DENND1B: variants seen among roughly 807,000 people sequenced by gnomAD.
DENND1B encodes DENN domain-containing protein 1B.
A neutral mutation model predicts 90.1 loss-of-function variants in DENND1B; 59 were observed. The ratio of observed to expected loss-of-function variants is 0.65; its 90% CI spans 0.53 to 0.81. The LOEUF is 0.81. Among genes scored for constraint, DENND1B ranks in the 40% least tolerant of loss-of-function variants. The pLI is 0.00. For missense variants in DENND1B, 862 were observed against 912.6 expected (o/e 0.94, Z 0.71); for synonymous variants, 337 against 324.6 (o/e 1.04, Z -0.41).
chr1:197,569,266 CAAG>C (rs546937719), intron 15 of DENND1B, among the ~76,000 whole-genome samples: 1 of 151,904 alleles, frequency 6.6e-6, no homozygotes, highest in Non-Finnish European at 1.5e-5. Context: ...ATCAAAAAGA[CAAG>C]AGGTAAGTTT....
At chr1:197,663,925 T>C (rs1654669730) in intron 5 of DENND1B, among the ~76,000 whole-genome samples, 1 of 152,038 alleles carries the variant, frequency 6.6e-6, no homozygotes, top group South Asian at 2.1e-4. Flanking sequence ...ATTCCAATTT[T>C]AACTATACTC....
intron 2 of DENND1B, among the ~76,000 whole-genome samples, chr1:197,766,777 G>T (rs1175599359): frequency 6.6e-6 from 1 of 151,914 alleles, no homozygotes; most frequent in African/African-American, 2.4e-5. Flanking sequence ...CATTAAGCTA[G>T]ATCCAATTTA....
chr1:197,756,891 T>C (rs1476795034), intron 2 of DENND1B, among the ~76,000 whole-genome samples: 2 of 151,158 alleles, frequency 1.3e-5, no homozygotes, highest in Non-Finnish European at 1.5e-5. Flanking sequence ...TAATTTTTAT[T>C]GCCAGTGTTA....
intron 3 of DENND1B, among the ~76,000 whole-genome samples, chr1:197,692,669 T>C (rs1658027003): frequency 1.3e-5 from 2 of 151,948 alleles, no homozygotes; most frequent in South Asian, 4.1e-4. Flanking sequence ...ACATATTAAA[T>C]AATCCTAGCT....
chr1:197,616,340 T>C (rs149803029), intron 11 of DENND1B, among the ~76,000 whole-genome samples: 3 of 151,200 alleles, frequency 2.0e-5, no homozygotes, highest in African/African-American at 7.2e-5. Flanking sequence ...TATAGGTATG[T>C]TGGTTAAAGG....
rs1360194930 is a variant in DENND1B at position 197,544,828 on chromosome 1, A to G, written c.1350+1094T>C. On this transcript the variant is annotated intron_variant, in intron 18 of 22. Transcript: ENST00000620048. The stretch of plus-strand genomic sequence containing the variant: ...AAGAAGAAGAGGAAGAGGAGGAAGA[A>G]GAGGAAGAGGAGGAAGAAGAGGAAG... 4.7e-3 allele frequency among the ~76,000 whole-genome samples: 709 copies of G among 149,380 alleles called. 7 individuals are homozygous for G. Among genetic ancestry groups the G allele is most frequent in the African/African-American group, 0.016 (661 of 40,300 alleles).
intron 5 of DENND1B, among the ~76,000 whole-genome samples, chr1:197,659,087 T>C (rs918848071): frequency 1.3e-5 from 2 of 151,224 alleles, no homozygotes; most frequent in African/African-American, 2.4e-5. Context: ...ACTTTTCATG[T>C]AGAATAAGAG....
chr1:197,663,643 A>G (rs1654637518), intron 5 of DENND1B, among the ~76,000 whole-genome samples: 1 of 152,080 alleles, frequency 6.6e-6, no homozygotes, highest in Non-Finnish European at 1.5e-5. Context: ...AATACTGGCC[A>G]CACATTTTTC....
intron 2 of DENND1B, among the ~76,000 whole-genome samples, chr1:197,770,790 A>G (rs1558503861): frequency 7.1e-6 from 1 of 141,556 alleles, no homozygotes; most frequent in Non-Finnish European, 1.5e-5. Context: ...ATATAAATAT[A>G]TATCTATAAA....
At chr1:197,699,672 C>T (rs1658821906) in intron 3 of DENND1B, among the ~76,000 whole-genome samples, 1 of 152,174 alleles carries the variant, frequency 6.6e-6, no homozygotes, top group Non-Finnish European at 1.5e-5. Flanking sequence ...CCCATCATCT[C>T]AGCCTAAAAA....
chr1:197,653,128 T>C (rs1178554354), intron 6 of DENND1B, among the ~76,000 whole-genome samples: 1 of 152,000 alleles, frequency 6.6e-6, no homozygotes, highest in Non-Finnish European at 1.5e-5. Context: ...CAAAACTTAA[T>C]AAATCAGAAC....
chr1:197,763,533 T>A (rs1655358055), intron 2 of DENND1B, among the ~76,000 whole-genome samples: 1 of 152,120 alleles, frequency 6.6e-6, no homozygotes, highest in Admixed American at 6.5e-5. Context: ...AATGCAACAA[T>A]CCCCTGCCAA....
intron 15 of DENND1B, among the ~76,000 whole-genome samples, chr1:197,555,059 A>G (rs1671600997): frequency 6.6e-6 from 1 of 152,022 alleles, no homozygotes; most frequent in South Asian, 2.1e-4. Flanking sequence ...CTTTAACAAA[A>G]TTGACAAAAA....
intron 20 of DENND1B, among the ~76,000 whole-genome samples, chr1:197,525,214 A>G (rs1359028447): frequency 6.6e-6 from 1 of 152,144 alleles, no homozygotes; most frequent in Admixed American, 6.5e-5. Context: ...CCAAGTAATT[A>G]TATCAATTTT....
chr1:197,670,839 G>C (rs1008526454), intron 5 of DENND1B, among the ~76,000 whole-genome samples: 5 of 151,874 alleles, frequency 3.3e-5, no homozygotes, highest in Non-Finnish European at 5.9e-5. Flanking sequence ...CCTGCTCCAA[G>C]TTCAAAAAAA....
intron 2 of DENND1B, among the ~76,000 whole-genome samples, chr1:197,725,870 A>G (rs1266515669): frequency 6.6e-6 from 1 of 152,042 alleles, no homozygotes; most frequent in Non-Finnish European, 1.5e-5. Flanking sequence ...TTCTGTGTTG[A>G]GTATAAACTG....
chr1:197,576,601 G>C (rs1673707426), intron 15 of DENND1B, among the ~76,000 whole-genome samples: 1 of 152,176 alleles, frequency 6.6e-6, no homozygotes, highest in Non-Finnish European at 1.5e-5. Flanking sequence ...TTGTGATATA[G>C]AATGTACAAC....
intron 14 of DENND1B, among the ~76,000 whole-genome samples, chr1:197,592,135 T>C (rs1675291046): frequency 7.9e-6 from 1 of 127,388 alleles, no homozygotes; most frequent in Admixed American, 8.1e-5. Flanking sequence ...AAAAGCATCA[T>C]ATGATAACAG....
At chr1:197,625,009 G>A (rs1279021933) in intron 10 of DENND1B, among the ~76,000 whole-genome samples, 4 of 151,882 alleles carry the variant, frequency 2.6e-5, no homozygotes, top group African/African-American at 9.7e-5. Context: ...AAGAAATATG[G>A]GACTATGTGA....
Sources: gnomAD v4.1 joint callset for allele counts (sites outside exome capture counted in the v4.1 genomes callset) on GRCh38, gnomAD v4.1.1 for gene constraint, MANE v1.5 for transcripts, NCBI Gene and HGNC (gene_info 2026-07-23, HGNC 2026-07-21) for gene names.